SGCZ: variants seen among roughly 807,000 people sequenced by gnomAD.
SGCZ encodes the protein zeta-sarcoglycan.
SGCZ carries 40 observed loss-of-function variants against 41.3 expected under a neutral mutation model. The ratio of observed to expected loss-of-function variants is 0.97; its 90% CI spans 0.75 to 1.26. SGCZ has a LOEUF of 1.26. Ranked by LOEUF, SGCZ falls within the 50% of genes most tolerant of loss-of-function variation. SGCZ has a pLI of 0.00. For missense variants in SGCZ, 552 were observed against 369.8 expected (o/e 1.49, Z -4.04); for synonymous variants, 206 against 137.5 (o/e 1.50, Z -3.49).
chr8:14,349,866 A>C (rs904330286), intron 2 of SGCZ, among the ~76,000 whole-genome samples: 1 of 152,176 alleles, frequency 6.6e-6, no homozygotes, highest in Non-Finnish European at 1.5e-5. Flanking sequence ...GTTAGAAATC[A>C]TATATCCCTT....
rs1270707367 is a variant in SGCZ at position 14,796,424 on chromosome 8, TTG to T, written c.40-241500_40-241499del. Reference sequence around the variant, plus strand: ...GTGAGCCAGCATACTCATTCTATTTTTGTTTTTTTTCTAATATTATATATTTG... The same window carrying T: ...GTGAGCCAGCATACTCATTCTATTTTTTTTTTTTCTAATATTATATATTTG... On this transcript the variant is annotated intron_variant, in intron 1 of 7. Transcript: ENST00000382080. Among the ~76,000 whole-genome samples, 189 of 148,996 alleles carry T rather than the reference TTG, an allele frequency of 1.3e-3. 2 individuals carry two copies. Among genetic ancestry groups the T allele is most frequent in the African/African-American group, 4.6e-3 (178 of 38,444 alleles).
intron 2 of SGCZ, among the ~76,000 whole-genome samples, chr8:14,533,376 G>C (rs1367100370): frequency 1.3e-5 from 2 of 151,820 alleles, no homozygotes; most frequent in African/African-American, 2.4e-5. Context: ...ATATTTAAAG[G>C]CTCAGTGGAA....
At chr8:15,080,438 G>A (rs1433335127) in intron 1 of SGCZ, among the ~76,000 whole-genome samples, 8 of 152,036 alleles carry the variant, frequency 5.3e-5, no homozygotes, top group Non-Finnish European at 1.0e-4. Context: ...GGTAGTGTGC[G>A]TTAGGGACTG....
chr8:14,917,925 G>A (rs1419151483), intron 1 of SGCZ, among the ~76,000 whole-genome samples: 1 of 151,998 alleles, frequency 6.6e-6, no homozygotes, highest in African/African-American at 2.4e-5. Flanking sequence ...ATTACATCAT[G>A]TTACCCTTAG....
At chr8:14,970,962 T>C (rs141299011) in intron 1 of SGCZ, among the ~76,000 whole-genome samples, 68 of 152,332 alleles carry the variant, frequency 4.5e-4, no homozygotes, top group African/African-American at 1.6e-3. Flanking sequence ...GTATTTTTCA[T>C]TCCCCCTAAC....
intron 2 of SGCZ, among the ~76,000 whole-genome samples, chr8:14,372,858 G>A (rs1394173573): frequency 2.0e-5 from 3 of 152,122 alleles, no homozygotes; most frequent in Non-Finnish European, 2.9e-5. Flanking sequence ...TAGAGAAGCA[G>A]TAGCAGTTCA....
intron 2 of SGCZ, among the ~76,000 whole-genome samples, chr8:14,453,160 C>T (rs1426232173): frequency 6.6e-6 from 1 of 152,026 alleles, no homozygotes; most frequent in Admixed American, 6.6e-5. Flanking sequence ...ACATTATATA[C>T]ATCCTGGACA....
chr8:14,702,818 TAGATAGATAGATA>T (rs1809191731), intron 1 of SGCZ, among the ~76,000 whole-genome samples: 1 of 2,268 alleles, frequency 4.4e-4, no homozygotes, highest in Admixed American at 5.7e-3. Flanking sequence ...GTTAGGTAGA[TAGATAGATAGATA>T]GATAGATAGA....
At chr8:14,583,155 T>A (rs1804949327) in intron 1 of SGCZ, among the ~76,000 whole-genome samples, 1 of 150,608 alleles carries the variant, frequency 6.6e-6, no homozygotes, top group African/African-American at 2.4e-5. Flanking sequence ...TTTCTCCACA[T>A]CCTCTCCAGC....
intron 3 of SGCZ, among the ~76,000 whole-genome samples, chr8:14,299,745 T>G (rs1464031106): frequency 6.6e-6 from 1 of 151,966 alleles, no homozygotes; most frequent in African/African-American, 2.4e-5. Flanking sequence ...AAAAAACTCA[T>G]CATTTCTTAC....
chr8:15,231,798 T>G (rs1801949419), intron 1 of SGCZ, among the ~76,000 whole-genome samples: 1 of 151,872 alleles, frequency 6.6e-6, no homozygotes, highest in African/African-American at 2.4e-5. Flanking sequence ...ATTTTTGTAT[T>G]TTTAGTAGAA....
chr8:14,710,721 CCTA>C (rs879559249), intron 1 of SGCZ, among the ~76,000 whole-genome samples: 23 of 152,112 alleles, frequency 1.5e-4, no homozygotes, highest in Non-Finnish European at 2.9e-4. Flanking sequence ...TTTAAAATAA[CCTA>C]CTTTTATAGA....
At chr8:15,142,939 T>C (rs1216646920) in intron 1 of SGCZ, among the ~76,000 whole-genome samples, 4 of 152,136 alleles carry the variant, frequency 2.6e-5, no homozygotes, top group African/African-American at 9.7e-5. Flanking sequence ...ACGCTTTCTA[T>C]CTGTAATATT....
chr8:14,419,627 A>C, intron 2 of SGCZ, among the ~76,000 whole-genome samples: 1 of 152,014 alleles, frequency 6.6e-6, no homozygotes, highest in East Asian at 1.9e-4. Context: ...TTATTTCTTA[A>C]TTTAATGGCA....
At chr8:14,597,973 T>C (rs1160823373) in intron 1 of SGCZ, among the ~76,000 whole-genome samples, 1 of 152,218 alleles carries the variant, frequency 6.6e-6, no homozygotes, top group South Asian at 2.1e-4. Flanking sequence ...TTGCAAATAA[T>C]GTTTTGAAAA....
chr8:14,359,918 T>C (rs28764827), intron 2 of SGCZ, among the ~76,000 whole-genome samples: 10,690 of 152,116 alleles, frequency 0.07, 617 homozygotes, highest in African/African-American at 0.15. Flanking sequence ...TCATTCATCA[T>C]GACCCATTGG....
At chr8:14,297,244 C>A (rs1801043693) in intron 3 of SGCZ, among the ~76,000 whole-genome samples, 1 of 151,898 alleles carries the variant, frequency 6.6e-6, no homozygotes, top group South Asian at 2.1e-4. Context: ...TATTTAAAAT[C>A]TTATAATTTG....
chr8:14,992,555 T>C (rs1399156624), intron 1 of SGCZ, among the ~76,000 whole-genome samples: 1 of 150,614 alleles, frequency 6.6e-6, no homozygotes, highest in East Asian at 2.0e-4. Flanking sequence ...ATGTTGGCAT[T>C]GATATTTACC....
intron 7 of SGCZ, among the ~76,000 whole-genome samples, chr8:14,091,088 T>C (rs1801676057): frequency 2.0e-5 from 3 of 151,922 alleles, no homozygotes; most frequent in Admixed American, 6.6e-5. Context: ...CATGCAGTGT[T>C]TGGTTTTCTT....
Sources: allele counts gnomAD v4.1 joint callset (sites outside exome capture counted in the v4.1 genomes callset), GRCh38; gene constraint gnomAD v4.1.1; transcripts MANE v1.5; gene names NCBI Gene and HGNC (gene_info 2026-07-23, HGNC 2026-07-21).